PRUNE2: variants seen among roughly 807,000 people sequenced by gnomAD.
The protein encoded by PRUNE2 is protein prune homolog 2.
In PRUNE2, 164 loss-of-function variants were observed where a neutral mutation model predicts 252.0. The observed-to-expected ratio is 0.65, with a 90% CI of 0.57 to 0.74. The LOEUF (loss-of-function observed/expected upper bound fraction) is 0.74. PRUNE2 is among the 30% of genes least tolerant of loss of function. The pLI, the probability that PRUNE2 is intolerant of heterozygous loss-of-function variation, is 0.00. For missense variants in PRUNE2, 3,495 were observed against 3,711.0 expected (o/e 0.94, Z 1.51); for synonymous variants, 1,292 against 1,350.2 (o/e 0.96, Z 0.94).
rs921134508 is a variant in PRUNE2, at chr9:76,707,404, T to G, written c.4870A>C (p.Ile1624Leu). The change falls in exon 8 of 19, where the codon ATC (isoleucine) becomes CTC (leucine). Residue 1624 changes from isoleucine to leucine, a missense_variant. Transcript: ENST00000376718. ...FDRKTPTFLE[I>L]WNDSVDGDSF... ...TCACCATCAACTGAGTCATTCCAGATCTCTAAAAATGTAGGAGTTTTGCGA... is the reference window on the plus strand; with the variant it reads ...TCACCATCAACTGAGTCATTCCAGAGCTCTAAAAATGTAGGAGTTTTGCGA... 4 of 1,613,854 alleles carry G rather than the reference T, an allele frequency of 2.5e-6. No individual in the cohort carries two copies. The African/African-American group carries it at 4.0e-5, about 16-fold the overall frequency.
intron 2 of PRUNE2, among the ~76,000 whole-genome samples, chr9:76,850,921 C>A (rs1367450594): frequency 6.6e-6 from 1 of 151,704 alleles, no homozygotes; most frequent in Non-Finnish European, 1.5e-5. Flanking sequence ...ATTTTAGACC[C>A]TGCACCATTT....
chr9:76,640,393 TTGTG>T (rs1243749184), intron 12 of PRUNE2, among the ~76,000 whole-genome samples: 1 of 152,212 alleles, frequency 6.6e-6, no homozygotes, highest in South Asian at 2.1e-4. Context: ...AATTATGGGT[TTGTG>T]TGTATTACTA....
At chr9:76,670,192 G>A (rs1477247052) in intron 9 of PRUNE2, among the ~76,000 whole-genome samples, 8 of 152,114 alleles carry the variant, frequency 5.3e-5, no homozygotes, top group African/African-American at 1.2e-4. Context: ...CAGTGGGTGC[G>A]CGCACCGTGC....
intron 6 of PRUNE2, chr9:76,764,301 G>A (rs1004689371): frequency 5.3e-5 from 8 of 152,174 alleles, no homozygotes; most frequent in Non-Finnish European, 7.3e-5. Flanking sequence ...ATAGTGTGAC[G>A]GGAAGGAGCA....
intron 6 of PRUNE2, among the ~76,000 whole-genome samples, chr9:76,768,579 ATGTATGTGTGTGTG>A (rs1462548881): frequency 4.6e-4 from 46 of 100,594 alleles, no homozygotes; most frequent in Middle Eastern, 4.7e-3. Flanking sequence ...ATATATGTAT[ATGTATGTGTGTGTG>A]TGTGTGTGTG....
In PRUNE2 at chr9:76,633,520, T is replaced by G. The variant is rs187964003; in HGVS notation, c.9050+2951A>C. ...CACTTGAGCATGGGAAGGCAGAGGTTGCAGTGAGCCGAGATCGCACCACAG... is the reference window on the plus strand; with the variant it reads ...CACTTGAGCATGGGAAGGCAGAGGTGGCAGTGAGCCGAGATCGCACCACAG... On this transcript the variant is annotated intron_variant, in intron 15 of 18. Coordinates refer to ENST00000376718, the MANE Select transcript of PRUNE2 (RefSeq NM_015225.3). 7.0e-3 allele frequency among the ~76,000 whole-genome samples: 1,052 copies of G among 151,040 alleles called. 11 individuals are homozygous for G. The highest frequency in any genetic ancestry group is 0.011 in the Admixed American group (174 of 15,142).
intron 1 of PRUNE2, among the ~76,000 whole-genome samples, chr9:76,901,043 C>T (rs983678806): frequency 6.6e-6 from 1 of 152,212 alleles, no homozygotes. Context: ...CCCATGTCCT[C>T]CAAGACCCAA....
At chr9:76,799,837 C>T (rs1471292622) in intron 6 of PRUNE2, among the ~76,000 whole-genome samples, 1 of 152,116 alleles carries the variant, frequency 6.6e-6, no homozygotes, top group Admixed American at 6.5e-5. Flanking sequence ...TCAAATATGA[C>T]AGGAACAAAA....
At chr9:76,651,539 CT>C (rs926364910) in intron 11 of PRUNE2, among the ~76,000 whole-genome samples, 2 of 152,166 alleles carry the variant, frequency 1.3e-5, no homozygotes, top group African/African-American at 2.4e-5. Flanking sequence ...CTCGCTTTCA[CT>C]TTCAAATATT....
chr9:76,675,565 G>A (rs1319201272), intron 9 of PRUNE2, among the ~76,000 whole-genome samples: 1 of 101,882 alleles, frequency 9.8e-6, no homozygotes, highest in Non-Finnish European at 2.2e-5. Context: ...CCATTACTGG[G>A]TATATACCCA....
intron 6 of PRUNE2, chr9:76,738,494 C>T (rs1351467311): frequency 6.6e-6 from 1 of 152,176 alleles, no homozygotes; most frequent in Non-Finnish European, 1.5e-5. Context: ...TTAACACCTG[C>T]CAACCATAGC....
intron 6 of PRUNE2, chr9:76,787,198 T>C (rs1388604260): frequency 3.3e-5 from 5 of 152,228 alleles, no homozygotes; most frequent in African/African-American, 1.2e-4. Flanking sequence ...CTTGGCATAC[T>C]ATATCAACTT....
intron 6 of PRUNE2, among the ~76,000 whole-genome samples, chr9:76,769,380 A>C (rs757508819): frequency 3.2e-4 from 48 of 152,220 alleles, no homozygotes; most frequent in Non-Finnish European, 5.7e-4. Flanking sequence ...TAATTGATTC[A>C]ATCCTTCCTC....
intron 6 of PRUNE2, among the ~76,000 whole-genome samples, chr9:76,733,014 A>G (rs1477011668): frequency 6.6e-6 from 1 of 152,194 alleles, no homozygotes; most frequent in African/African-American, 2.4e-5. Flanking sequence ...TGCCATTTAT[A>G]TAGATTTTTT....
At chr9:76,886,149 G>A (rs1020357983) in intron 1 of PRUNE2, among the ~76,000 whole-genome samples, 7 of 150,314 alleles carry the variant, frequency 4.7e-5, no homozygotes, top group African/African-American at 1.7e-4. Context: ...TCGTGCCACT[G>A]CACTCCAGCC....
rs762370429 is a variant in PRUNE2, at chr9:76,707,533, G to A, written c.4741C>T (p.His1581Tyr). Residue 1581 changes from histidine to tyrosine, a missense_variant, in exon 8 of 19, where the codon CAC (histidine) becomes TAC (tyrosine). Transcript: ENST00000376718. ...GTGGTAATTAGTTCAGATTCTTGGTGATTCTGTTCACTCCAGTTGCCTTGG... is the reference window on the plus strand; with the variant it reads ...GTGGTAATTAGTTCAGATTCTTGGTAATTCTGTTCACTCCAGTTGCCTTGG... Reference protein sequence around the residue: ...ENQGNWSEQNHQESELITTDG... With the variant: ...ENQGNWSEQNYQESELITTDG... The A allele has an allele frequency of 1.9e-6, 3 of 1,613,948 alleles. No individual in the cohort carries two copies. The highest frequency in any genetic ancestry group is 2.5e-6 in the Non-Finnish European group (3 of 1,179,890).
chr9:76,865,614 T>C (rs1160474765), intron 1 of PRUNE2, among the ~76,000 whole-genome samples: 3 of 152,322 alleles, frequency 2.0e-5, no homozygotes, highest in Non-Finnish European at 2.9e-5. Flanking sequence ...TCGGATATAA[T>C]AGTTGGGCAG....
At chr9:76,885,030 A>G (rs1589765067) in intron 1 of PRUNE2, among the ~76,000 whole-genome samples, 1 of 152,268 alleles carries the variant, frequency 6.6e-6, no homozygotes, top group South Asian at 2.1e-4. Flanking sequence ...TGGTTTTCAC[A>G]GCGGCCAATC....
At position 76,613,917 on chromosome 9, in the gene PRUNE2, G is replaced by T. The variant is rs1587569905; in HGVS notation, c.*653C>A. On this transcript the variant is annotated 3_prime_UTR_variant, in exon 19 of 19. Coordinates refer to ENST00000376718, the MANE Select transcript of PRUNE2 (RefSeq NM_015225.3). ...GGTCACCAACATTCATCAGGAAAATGATGTTAAAAGACCAATTTACATAAA... is the reference window on the plus strand; with the variant it reads ...GGTCACCAACATTCATCAGGAAAATTATGTTAAAAGACCAATTTACATAAA... 1 of 144,424 alleles carries T rather than the reference G, an allele frequency of 6.9e-6. No individual in the cohort carries two copies. Among genetic ancestry groups the T allele is most frequent in the South Asian group, 2.4e-4 (1 of 4,114 alleles). 8.9% of individuals were successfully genotyped at this position (144,424 alleles called of 1,614,324 possible).
Sources: allele counts gnomAD v4.1 joint callset (sites outside exome capture counted in the v4.1 genomes callset), GRCh38; gene constraint gnomAD v4.1.1; transcripts MANE v1.5; gene names NCBI Gene and HGNC (gene_info 2026-07-23, HGNC 2026-07-21).